The following SIL1 variants were observed in gnomAD, a reference collection of about 807,000 sequenced individuals.
The protein encoded by SIL1 is SIL1 nucleotide exchange factor.
A neutral mutation model predicts 49.1 loss-of-function variants in SIL1; 40 were observed. The observed-to-expected ratio is 0.81, with a 90% CI of 0.63 to 1.06. The LOEUF (loss-of-function observed/expected upper bound fraction) is 1.06. Among genes scored for constraint, SIL1 ranks in the 50% least tolerant of loss-of-function variants. SIL1 has a pLI of 0.00. For synonymous variants in SIL1, 253 were observed against 250.8 expected (o/e 1.01, Z -0.08); for missense variants, 500 against 572.6 (o/e 0.87, Z 1.29).
intron 7 of SIL1, among the ~76,000 whole-genome samples, chr5:138,974,346 C>T (rs1383477135): frequency 6.6e-6 from 1 of 152,228 alleles, no homozygotes. Context: ...CACCTCTGTC[C>T]TCCCCCTTTG....
chr5:139,083,045 T>C (rs1179489386), intron 3 of SIL1, among the ~76,000 whole-genome samples: 1 of 152,170 alleles, frequency 6.6e-6, no homozygotes, highest in East Asian at 1.9e-4. Context: ...AGGATTCAAA[T>C]GATACCAACT....
At chr5:139,074,104 T>C (rs1200742357) in intron 3 of SIL1, among the ~76,000 whole-genome samples, 4 of 152,252 alleles carry the variant, frequency 2.6e-5, no homozygotes, top group African/African-American at 7.2e-5. Context: ...TCACCCAGGC[T>C]GGAATGCAGT....
intron 1 of SIL1, among the ~76,000 whole-genome samples, chr5:139,192,618 G>A (rs1422172523): frequency 6.6e-6 from 1 of 152,236 alleles, no homozygotes; most frequent in Non-Finnish European, 1.5e-5. Flanking sequence ...CAGCTGTGAA[G>A]ATGGAAGGTC....
chr5:139,007,774 C>T (rs1302279139), intron 7 of SIL1, among the ~76,000 whole-genome samples: 14 of 143,572 alleles, frequency 9.8e-5, no homozygotes, highest in Admixed American at 2.1e-4. Context: ...TATTGGTTTG[C>T]GTATATTGAA....
At chr5:139,010,479 C>T (rs1768230806) in intron 7 of SIL1, among the ~76,000 whole-genome samples, 1 of 152,218 alleles carries the variant, frequency 6.6e-6, no homozygotes, top group Admixed American at 6.5e-5. Context: ...AGTCATTCTC[C>T]ATCCAGCTTT....
intron 3 of SIL1, among the ~76,000 whole-genome samples, chr5:139,115,375 T>C (rs1462524983): frequency 1.3e-5 from 2 of 152,206 alleles, no homozygotes; most frequent in African/African-American, 2.4e-5. Context: ...GCTTTTATAC[T>C]GATTAGGTGA....
chr5:139,188,268 T>C (rs772279302), intron 1 of SIL1, among the ~76,000 whole-genome samples: 18 of 152,158 alleles, frequency 1.2e-4, no homozygotes, highest in Non-Finnish European at 2.1e-4. Context: ...TCTGTAATAA[T>C]TCTGGAGCAC....
At chr5:139,093,365 T>A (rs78387810) in intron 3 of SIL1, among the ~76,000 whole-genome samples, 2 of 152,222 alleles carry the variant, frequency 1.3e-5, no homozygotes, top group African/African-American at 4.8e-5. Flanking sequence ...AAGACAGAGA[T>A]AAATCAAGTT....
At chr5:139,099,546 T>C (rs1190244669) in intron 3 of SIL1, among the ~76,000 whole-genome samples, 5 of 152,142 alleles carry the variant, frequency 3.3e-5, no homozygotes, top group Admixed American at 2.0e-4. Flanking sequence ...AACAGATGAA[T>C]GGATTTTTAA....
chr5:139,054,427 AATT>A (rs1769359725), intron 3 of SIL1, among the ~76,000 whole-genome samples: 1 of 151,996 alleles, frequency 6.6e-6, no homozygotes, highest in African/African-American at 2.4e-5. Context: ...AAAAAATAAT[AATT>A]ATTTGTTAAG....
At chr5:139,091,817 T>A (rs1401061765) in intron 3 of SIL1, among the ~76,000 whole-genome samples, 1 of 152,210 alleles carries the variant, frequency 6.6e-6, no homozygotes, top group Admixed American at 6.5e-5. Flanking sequence ...CCTAGATTTC[T>A]GACCTACATC....
chr5:139,090,153 C>G (rs766364419), intron 3 of SIL1, among the ~76,000 whole-genome samples: 14 of 152,166 alleles, frequency 9.2e-5, no homozygotes, highest in African/African-American at 3.4e-4. Context: ...ACCACTGATG[C>G]TTCTCACTCC....
chr5:138,952,020 C>T, intron 7 of SIL1, 136 bp from the exon 8 acceptor site: 1 of 799,972 alleles, frequency 1.3e-6, no homozygotes, highest in Non-Finnish European at 2.1e-6. Flanking sequence ...AAGTCAAACT[C>T]AGCTGGGGAA....
At chr5:139,008,282 G>C (rs984461953) in intron 7 of SIL1, among the ~76,000 whole-genome samples, 5 of 150,762 alleles carry the variant, frequency 3.3e-5, no homozygotes, top group African/African-American at 9.8e-5. Flanking sequence ...ATGGTAGTTT[G>C]TATTTCTGTG....
At chr5:139,035,208 C>T (rs1160656078) in intron 5 of SIL1, 4 of 425,836 alleles carry the variant, frequency 9.4e-6, no homozygotes, top group Middle Eastern at 8.5e-4. Context: ...CATGAGGTGA[C>T]GGCCATCAAC....
chr5:139,001,942 G>A (rs1013705495), intron 7 of SIL1, among the ~76,000 whole-genome samples: 2 of 151,522 alleles, frequency 1.3e-5, no homozygotes, highest in African/African-American at 4.9e-5. Context: ...CAGGAGTGAT[G>A]GCTCACGGCT....
chr5:139,121,032 T>C lies in SIL1; in HGVS notation c.244+3A>G. On this transcript the variant is annotated splice_donor_region_variant and intron_variant, in intron 3 of 9. Transcript: ENST00000394817. ...TTTGTGGGGACAGGGCTGGGCCTGATACCTGGCTGAAGGGCCTGCCACTCA... is the reference window on the plus strand; with the variant it reads ...TTTGTGGGGACAGGGCTGGGCCTGACACCTGGCTGAAGGGCCTGCCACTCA... 5.6e-6 allele frequency: 9 copies of C among 1,614,004 alleles called. No individual in the cohort carries two copies. Among genetic ancestry groups the C allele is most frequent in the Non-Finnish European group, 7.6e-6 (9 of 1,180,042 alleles).
intron 1 of SIL1, among the ~76,000 whole-genome samples, chr5:139,176,136 C>G (rs1403787066): frequency 2.0e-5 from 3 of 152,120 alleles, no homozygotes; most frequent in African/African-American, 7.2e-5. Context: ...GCTGGGATTA[C>G]AAGCATGAGC....
intron 3 of SIL1, among the ~76,000 whole-genome samples, chr5:139,065,919 G>A (rs966516796): frequency 3.9e-5 from 6 of 152,264 alleles, no homozygotes; most frequent in South Asian, 2.1e-4. Context: ...GACAGAAGTC[G>A]TCTCCCAACA....
Sources: gnomAD v4.1 joint callset for allele counts (sites outside exome capture counted in the v4.1 genomes callset) on GRCh38, gnomAD v4.1.1 for gene constraint, MANE v1.5 for transcripts, NCBI Gene and HGNC (gene_info 2026-07-23, HGNC 2026-07-21) for gene names.